The following MAF variants were observed in gnomAD, a reference collection of about 807,000 sequenced individuals.
MAF encodes the protein MAF bZIP transcription factor.
A neutral mutation model predicts 22.0 loss-of-function variants in MAF; 10 were observed. The observed-to-expected ratio is 0.45, with a 90% CI of 0.28 to 0.77. The LOEUF (loss-of-function observed/expected upper bound fraction) is 0.77. Ranked by LOEUF, MAF falls within the 30% of genes least tolerant of loss-of-function variation. The pLI is 0.12. For missense variants in MAF, 544 were observed against 548.4 expected (o/e 0.99, Z 0.08); for synonymous variants, 337 against 255.8 (o/e 1.32, Z -3.03).
At chr16:79,231,211 T>C in the MAF span, among the ~76,000 whole-genome samples, 94 of 152,116 alleles carry the variant, frequency 6.2e-4, 1 homozygote, top group Non-Finnish European at 1.2e-3. Context: ...TGGGCTCTTA[T>C]GGGACAGGAT....
At chr16:79,290,363 C>T in the MAF span, among the ~76,000 whole-genome samples, 1 of 152,142 alleles carries the variant, frequency 6.6e-6, no homozygotes, top group Admixed American at 6.5e-5. Context: ...TATCTTTCCC[C>T]AGGACTAGTT....
the MAF span, among the ~76,000 whole-genome samples, chr16:79,445,123 T>C: frequency 6.6e-6 from 1 of 152,060 alleles, no homozygotes; most frequent in Non-Finnish European, 1.5e-5. Context: ...AAGCTCCTCC[T>C]CCTGGGTTCA....
At chr16:79,212,857 C>A in the MAF span, 4 of 152,206 alleles carry the variant, frequency 2.6e-5, no homozygotes, top group East Asian at 7.7e-4. Flanking sequence ...TTGTGGCTGT[C>A]CGTGGGCCAA....
At chr16:79,229,044 C>T in the MAF span, among the ~76,000 whole-genome samples, 1 of 151,780 alleles carries the variant, frequency 6.6e-6, no homozygotes, top group Non-Finnish European at 1.5e-5. Context: ...AGAAAAAGCC[C>T]AATCAGCCAC....
At chr16:79,508,858 G>A in the MAF span, among the ~76,000 whole-genome samples, 2 of 152,142 alleles carry the variant, frequency 1.3e-5, no homozygotes, top group Non-Finnish European at 2.9e-5. Context: ...CCCAAGGCTC[G>A]GGGAGAGGGA....
chr16:79,251,026 G>A, the MAF span, among the ~76,000 whole-genome samples: 1 of 152,244 alleles, frequency 6.6e-6, no homozygotes, highest in African/African-American at 2.4e-5. Flanking sequence ...CATTTTATTA[G>A]GACTTCACTA....
the MAF span, among the ~76,000 whole-genome samples, chr16:79,476,387 C>G: frequency 6.6e-6 from 1 of 152,192 alleles, no homozygotes; most frequent in African/African-American, 2.4e-5. Context: ...ATTTGCTACA[C>G]AGCAATAGGC....
the MAF span, among the ~76,000 whole-genome samples, chr16:79,533,397 A>G: frequency 2.0e-5 from 3 of 152,236 alleles, no homozygotes; most frequent in Non-Finnish European, 2.9e-5. Flanking sequence ...TTCTTGGACT[A>G]TAAAAATATT....
the MAF span, among the ~76,000 whole-genome samples, chr16:79,356,523 C>A: frequency 6.6e-6 from 1 of 152,194 alleles, no homozygotes; most frequent in African/African-American, 2.4e-5. Context: ...TTGTGACTCA[C>A]ATTTCTGCAG....
chr16:79,548,290 A>C, the MAF span, among the ~76,000 whole-genome samples: 505 of 152,276 alleles, frequency 3.3e-3, 3 homozygotes, highest in African/African-American at 0.011. Flanking sequence ...TTCTTGATTG[A>C]TGTCTGTTTT....
At chr16:79,507,318 G>C in the MAF span, among the ~76,000 whole-genome samples, 1 of 151,238 alleles carries the variant, frequency 6.6e-6, no homozygotes. Flanking sequence ...AGGTTTCATT[G>C]TGTCAGCGAG....
At chr16:79,234,125 A>G in the MAF span, among the ~76,000 whole-genome samples, 1 of 152,068 alleles carries the variant, frequency 6.6e-6, no homozygotes, top group African/African-American at 2.4e-5. Context: ...CACCCTCTTC[A>G]TTCTCAAGGT....
At chr16:79,580,452 G>A in the MAF span, among the ~76,000 whole-genome samples, 1 of 152,200 alleles carries the variant, frequency 6.6e-6, no homozygotes, top group Non-Finnish European at 1.5e-5. Context: ...ATGAGGAGAG[G>A]CTGAAAGCAG....
chr16:79,250,760 G>A, the MAF span, among the ~76,000 whole-genome samples: 3 of 152,126 alleles, frequency 2.0e-5, no homozygotes, highest in Non-Finnish European at 4.4e-5. Context: ...AATCCGTTAC[G>A]CATTGATTCC....
At chr16:79,362,165 T>G in the MAF span, among the ~76,000 whole-genome samples, 1 of 152,210 alleles carries the variant, frequency 6.6e-6, no homozygotes, top group African/African-American at 2.4e-5. Flanking sequence ...ATAAAGGTAT[T>G]GTGAGAATTA....
the MAF span, among the ~76,000 whole-genome samples, chr16:79,531,139 C>T: frequency 6.6e-6 from 1 of 152,210 alleles, no homozygotes; most frequent in African/African-American, 2.4e-5. Flanking sequence ...TAACATGAGA[C>T]ATTTTAATTC....
the MAF span, among the ~76,000 whole-genome samples, chr16:79,437,360 G>T: frequency 3.8e-4 from 58 of 152,186 alleles, no homozygotes; most frequent in African/African-American, 1.4e-3. Context: ...CATTACAGGT[G>T]TAAGAGAACC....
intron 1 of MAF, chr16:79,597,982 A>T: frequency 1.9e-6 from 2 of 1,042,994 alleles, no homozygotes; most frequent in Non-Finnish European, 2.3e-6. Context: ...CACACCCAGA[A>T]GGTTGATGCA....
chr16:79,463,792 T>G, the MAF span, among the ~76,000 whole-genome samples: 1 of 152,286 alleles, frequency 6.6e-6, no homozygotes, highest in African/African-American at 2.4e-5. Context: ...CGACTTTTTT[T>G]TTTCTTGAGG....
Sources: gnomAD v4.1 joint callset for allele counts (sites outside exome capture counted in the v4.1 genomes callset) on GRCh38, gnomAD v4.1.1 for gene constraint, MANE v1.5 for transcripts, NCBI Gene and HGNC (gene_info 2026-07-23, HGNC 2026-07-21) for gene names.